The following ABAT variants were observed in gnomAD, a reference collection of about 807,000 sequenced individuals.
ABAT encodes the protein 4-aminobutyrate aminotransferase, mitochondrial.
Under a neutral mutation model 64.6 loss-of-function variants are expected in ABAT, and 45 were observed. The observed-to-expected ratio is 0.70, with a 90% CI of 0.55 to 0.89. The LOEUF (loss-of-function observed/expected upper bound fraction) is 0.89, where lower values mean the gene tolerates loss of function less well. Ranked by LOEUF, ABAT falls within the 40% of genes least tolerant of loss-of-function variation. The pLI is 0.00. For missense variants in ABAT, 633 were observed against 658.4 expected, an observed-to-expected ratio of 0.96 and a Z score of 0.42; for synonymous variants, 297 against 250.5, an observed-to-expected ratio of 1.19 and a Z score of -1.75.
chr16:8,720,589 T>A (rs190378826), intron 1 of ABAT: 1 of 152,420 alleles, frequency 6.6e-6, no homozygotes, highest in Non-Finnish European at 1.5e-5. Flanking sequence ...AAAGCCTCTG[T>A]CCCTGTGCCA....
At chr16:8,742,010 C>T (rs139154423) in intron 2 of ABAT, among the ~76,000 whole-genome samples, 2 of 152,252 alleles carry the variant, frequency 1.3e-5, no homozygotes, top group South Asian at 2.1e-4. Context: ...CCATTCCCCC[C>T]CTTTCTGATA....
chr16:8,765,831 C>G (rs75058742), intron 8 of ABAT: 8,362 of 182,176 alleles, frequency 0.046, 297 homozygotes, highest in Middle Eastern at 0.13. Context: ...ACTTTGTTGC[C>G]CAGCATGGTC....
At chr16:8,686,013 A>T (rs1470993832) in intron 1 of ABAT, among the ~76,000 whole-genome samples, 2 of 152,232 alleles carry the variant, frequency 1.3e-5, no homozygotes, top group Non-Finnish European at 2.9e-5. Context: ...TCCCAGGGGC[A>T]GATTGCTGAC....
At chr16:8,733,096 C>T (rs2058793961) in intron 1 of ABAT, among the ~76,000 whole-genome samples, 1 of 149,568 alleles carries the variant, frequency 6.7e-6, no homozygotes, top group Non-Finnish European at 1.5e-5. Flanking sequence ...ACCTCCCTCC[C>T]GGATGGGGCG....
chr16:8,675,258 T>G (rs1192253838), intron 1 of ABAT, among the ~76,000 whole-genome samples: 1 of 151,906 alleles, frequency 6.6e-6, no homozygotes, highest in African/African-American at 2.4e-5. Flanking sequence ...AGATAGATGA[T>G]TCACCCTTAG....
At chr16:8,717,403 C>A (rs1259264517) in intron 1 of ABAT, among the ~76,000 whole-genome samples, 1 of 152,126 alleles carries the variant, frequency 6.6e-6, no homozygotes, top group African/African-American at 2.4e-5. Context: ...TTGCTTTTTT[C>A]ATATGGCTAC....
At chr16:8,766,837 C>T (rs1193453191) in intron 9 of ABAT, among the ~76,000 whole-genome samples, 3 of 151,870 alleles carry the variant, frequency 2.0e-5, no homozygotes, top group Non-Finnish European at 2.9e-5. Context: ...GATGTGGTGG[C>T]GGGTACCTGT....
At chr16:8,732,490 T>G (rs1281794465) in intron 1 of ABAT, among the ~76,000 whole-genome samples, 1 of 151,394 alleles carries the variant, frequency 6.6e-6, no homozygotes, top group East Asian at 1.9e-4. Context: ...TTAATCCATT[T>G]AACCCTGAGT....
At chr16:8,756,103 C>A (rs2142826947) in intron 5 of ABAT, among the ~76,000 whole-genome samples, 1 of 152,042 alleles carries the variant, frequency 6.6e-6, no homozygotes, top group Admixed American at 6.5e-5. Context: ...AACCCAGCTA[C>A]TCCGGAGGCT....
chr16:8,747,525 G>T (rs1319115819), intron 3 of ABAT, among the ~76,000 whole-genome samples: 1 of 152,002 alleles, frequency 6.6e-6, no homozygotes, highest in Non-Finnish European at 1.5e-5. Flanking sequence ...TTCTTGTCAT[G>T]AATATTATCC....
At chr16:8,732,930 G>C (rs1567291918) in intron 1 of ABAT, among the ~76,000 whole-genome samples, 1 of 149,254 alleles carries the variant, frequency 6.7e-6, no homozygotes, top group Non-Finnish European at 1.5e-5. Flanking sequence ...GCGGGGGGCT[G>C]ACCCCCCTAC....
intron 2 of ABAT, among the ~76,000 whole-genome samples, chr16:8,740,571 A>G (rs1056523354): frequency 7.2e-5 from 11 of 152,156 alleles, no homozygotes; most frequent in African/African-American, 2.7e-4. Context: ...CCAAAAATGG[A>G]AGCCTCAGCC....
chr16:8,688,737 G>A (rs2057513851), intron 1 of ABAT, among the ~76,000 whole-genome samples: 1 of 152,140 alleles, frequency 6.6e-6, no homozygotes. Flanking sequence ...ACAGGCATGA[G>A]CCACCAAGCC....
chr16:8,763,175 G>C (rs1051797361), intron 6 of ABAT, among the ~76,000 whole-genome samples: 1 of 151,510 alleles, frequency 6.6e-6, no homozygotes, highest in African/African-American at 2.4e-5. Context: ...GAGCATTTTC[G>C]GGCAGAGGCT....
intron 4 of ABAT, among the ~76,000 whole-genome samples, chr16:8,748,704 C>G (rs1208255092): frequency 1.3e-5 from 2 of 151,936 alleles, no homozygotes; most frequent in Admixed American, 6.6e-5. Flanking sequence ...ATTCAGGGCT[C>G]TGTTTTTGGG....
intron 1 of ABAT, among the ~76,000 whole-genome samples, chr16:8,729,500 G>A (rs1185032505): frequency 2.0e-5 from 3 of 152,054 alleles, no homozygotes; most frequent in African/African-American, 7.3e-5. Flanking sequence ...TTTGAGCAAA[G>A]AGAAGGGAGT....
At chr16:8,732,220 T>G (rs1234067501) in intron 1 of ABAT, among the ~76,000 whole-genome samples, 17 of 146,362 alleles carry the variant, frequency 1.2e-4, no homozygotes, top group East Asian at 1.9e-4. Flanking sequence ...TTTGTTTGTT[T>G]TTTTAATTTA....
At chr16:8,762,146 G>A (rs1006816594) in intron 6 of ABAT, among the ~76,000 whole-genome samples, 2 of 152,148 alleles carry the variant, frequency 1.3e-5, no homozygotes, top group Admixed American at 6.5e-5. Flanking sequence ...TTATAGGCGT[G>A]AGCCACTGTG....
intron 3 of ABAT, among the ~76,000 whole-genome samples, chr16:8,746,953 C>CTGTAGGT (rs2059350663): frequency 6.6e-6 from 1 of 151,908 alleles, no homozygotes; most frequent in Non-Finnish European, 1.5e-5. Flanking sequence ...CTAGGTTAGG[C>CTGTAGGT]GTGGCTTGAA....
Sources: gnomAD v4.1 joint callset for allele counts (sites outside exome capture counted in the v4.1 genomes callset) on GRCh38, gnomAD v4.1.1 for gene constraint, MANE v1.5 for transcripts, NCBI Gene and HGNC (gene_info 2026-07-23, HGNC 2026-07-21) for gene names.